NGEF: variants seen among roughly 807,000 people sequenced by gnomAD.
NGEF encodes the protein neuronal guanine nucleotide exchange factor, also known as ephexin-1.
In NGEF, 31 loss-of-function variants were observed where a neutral mutation model predicts 80.9. That is an observed-to-expected ratio of 0.38 (90% CI 0.29 to 0.52). The LOEUF is 0.52. NGEF is among the 20% of genes least tolerant of loss of function. NGEF has a pLI of 0.84. For missense variants in NGEF, 709 were observed against 926.2 expected (o/e 0.77, Z 3.04); for synonymous variants, 371 against 370.2 (o/e 1.00, Z -0.03).
At chr2:232,898,089 T>A (rs1404956444) in intron 5 of NGEF, among the ~76,000 whole-genome samples, 1 of 152,228 alleles carries the variant, frequency 6.6e-6, no homozygotes, top group African/African-American at 2.4e-5. Context: ...GCTTCTCAGC[T>A]ACAGATGCTG....
intron 3 of NGEF, among the ~76,000 whole-genome samples, chr2:232,966,857 G>C (rs187656725): frequency 4.6e-5 from 7 of 151,408 alleles, no homozygotes; most frequent in South Asian, 2.1e-4. Context: ...CAGTGAGGGT[G>C]GGGGGGGAGG....
chr2:232,953,621 G>A (rs6707071), intron 3 of NGEF, among the ~76,000 whole-genome samples: 63,112 of 151,826 alleles, frequency 0.42, 13,655 homozygotes, highest in Non-Finnish European at 0.48. Flanking sequence ...CCTGCCTAGG[G>A]GGAGATCTGC....
At chr2:232,935,565 C>T (rs909213517) in intron 3 of NGEF, among the ~76,000 whole-genome samples, 5 of 152,030 alleles carry the variant, frequency 3.3e-5, no homozygotes, top group African/African-American at 7.3e-5. Flanking sequence ...TTACAGTGAG[C>T]GGAGATCACA....
chr2:232,923,049 G>A lies in NGEF; in HGVS notation c.527-2464C>T, dbSNP rs10933414. On this transcript the variant is annotated intron_variant, in intron 4 of 14. Transcript: ENST00000264051. ...CGCGCCACTTCACTCTAGCCTGGGC[G>A]AAAACAGCGAAACTCCATCTCAGAA... Among the ~76,000 whole-genome samples, 748 of 150,788 alleles carry A rather than the reference G, an allele frequency of 5.0e-3. 10 individuals carry two copies. Among genetic ancestry groups the A allele is most frequent in the African/African-American group, 0.016 (675 of 41,046 alleles).
intron 1 of NGEF, among the ~76,000 whole-genome samples, chr2:232,976,684 A>G (rs1419097855): frequency 1.3e-5 from 2 of 152,154 alleles, no homozygotes; most frequent in East Asian, 3.9e-4. Flanking sequence ...CCTTCCCTGT[A>G]AATTGTCAGC....
intron 5 of NGEF, among the ~76,000 whole-genome samples, chr2:232,898,202 G>A (rs113718721): frequency 2.1e-4 from 32 of 152,348 alleles, no homozygotes; most frequent in African/African-American, 5.8e-4. Flanking sequence ...AAACTGATAC[G>A]AATGATACCA....
At chr2:232,994,537 AT>A (rs1232576805) in intron 1 of NGEF, among the ~76,000 whole-genome samples, 1 of 152,212 alleles carries the variant, frequency 6.6e-6, no homozygotes, top group Non-Finnish European at 1.5e-5. Context: ...ATCACAGAAT[AT>A]TTTGAGAAAG....
chr2:232,884,374 T>C (rs1301956794), intron 10 of NGEF, among the ~76,000 whole-genome samples: 1 of 152,198 alleles, frequency 6.6e-6, no homozygotes, highest in African/African-American at 2.4e-5. Context: ...TGCGTGTGTG[T>C]GCTGTGCATG....
chr2:232,941,303 C>T (rs1693432783), intron 3 of NGEF, among the ~76,000 whole-genome samples: 1 of 97,670 alleles, frequency 1.0e-5, no homozygotes, highest in Non-Finnish European at 2.0e-5. Context: ...AATCTTGTAA[C>T]TTCCAGCTGC....
intron 5 of NGEF, among the ~76,000 whole-genome samples, chr2:232,896,871 G>GGTGAGGGTGTGGGTAGGT (rs1692104982): frequency 8.0e-6 from 1 of 125,218 alleles, no homozygotes; most frequent in Non-Finnish European, 1.7e-5. Context: ...TGGGTATAGG[G>GGTGAGGGTGTGGGTAGGT]GTGAGGGTGT....
intron 9 of NGEF, among the ~76,000 whole-genome samples, chr2:232,886,728 C>G (rs1341208222): frequency 2.6e-5 from 4 of 152,264 alleles, no homozygotes; most frequent in Non-Finnish European, 4.4e-5. Context: ...TGGCCCAGGG[C>G]TGACCTCAGG....
At chr2:232,934,819 A>G (rs1693296683) in intron 3 of NGEF, among the ~76,000 whole-genome samples, 2 of 152,046 alleles carry the variant, frequency 1.3e-5, no homozygotes. Flanking sequence ...CCTGGGCAAC[A>G]TGGTGAAACC....
intron 5 of NGEF, among the ~76,000 whole-genome samples, chr2:232,896,677 G>A (rs1209156614): frequency 7.5e-4 from 36 of 48,184 alleles, no homozygotes; most frequent in East Asian, 3.3e-3. Flanking sequence ...GGTGGGGGTG[G>A]GGGTAGGGAT....
chr2:232,906,238 C>A (rs1397646167), intron 5 of NGEF, among the ~76,000 whole-genome samples: 1 of 104,076 alleles, frequency 9.6e-6, no homozygotes, highest in Admixed American at 8.7e-5. Context: ...AGCCCCCCGC[C>A]CGGCCAGCCG....
intron 3 of NGEF, among the ~76,000 whole-genome samples, chr2:232,965,356 A>G (rs1445102864): frequency 6.6e-6 from 1 of 152,198 alleles, no homozygotes; most frequent in Non-Finnish European, 1.5e-5. Context: ...GAAGGTGACT[A>G]TGGAAACTGA....
At chr2:232,943,156 CTCCT>C (rs1247092642) in intron 3 of NGEF, among the ~76,000 whole-genome samples, 15 of 151,882 alleles carry the variant, frequency 9.9e-5, no homozygotes, top group Admixed American at 9.8e-4. Flanking sequence ...TAATAGGTCT[CTCCT>C]TCCTTCCTTT....
At chr2:232,969,494 T>TTCCTTCCTTCCTTCCTTCCA (rs1694142173) in intron 3 of NGEF, among the ~76,000 whole-genome samples, 1 of 114,244 alleles carries the variant, frequency 8.8e-6, no homozygotes, top group Admixed American at 1.1e-4. Flanking sequence ...CCTTCCTCCC[T>TTCCTTCCTTCCTTCCTTCCA]CCCTCCCTCC....
Position 232,926,621 on chromosome 2 carries a change from A to C in NGEF, c.526+423T>G, listed in dbSNP as rs544946144. Among the ~76,000 whole-genome samples, 84 of 151,592 alleles carry C rather than the reference A, an allele frequency of 5.5e-4. 1 individual carries two copies. In the South Asian group the frequency reaches 7.7e-3, roughly 14 times the overall value. ...GGCTTTTCCCAGAACCCCCCTTCAC[A>C]CGCCTCCTCCTCTAGCCCAACTCTG... On this transcript the variant is annotated intron_variant, in intron 4 of 14. Coordinates refer to ENST00000264051, the MANE Select transcript of NGEF (RefSeq NM_019850.3).
At chr2:232,975,040 C>T in intron 1 of NGEF, 76 bp from the exon 2 acceptor site, 1 of 719,708 alleles carries the variant, frequency 1.4e-6, no homozygotes, top group Non-Finnish European at 2.2e-6. Context: ...AACTCCACTC[C>T]CATTCGAATT....
Sources: gnomAD v4.1 joint callset for allele counts (sites outside exome capture counted in the v4.1 genomes callset) on GRCh38, gnomAD v4.1.1 for gene constraint, MANE v1.5 for transcripts, NCBI Gene and HGNC (gene_info 2026-07-23, HGNC 2026-07-21) for gene names.